The following COL8A1 variants were observed in gnomAD, a reference collection of about 807,000 sequenced individuals.
COL8A1 encodes collagen alpha-1(VIII) chain.
A neutral mutation model predicts 42.7 loss-of-function variants in COL8A1; 21 were observed. The ratio of observed to expected loss-of-function variants is 0.49; its 90% CI spans 0.35 to 0.71. The LOEUF (loss-of-function observed/expected upper bound fraction) is 0.71, where lower values mean the gene tolerates loss of function less well. Among genes scored for constraint, COL8A1 ranks in the 30% least tolerant of loss-of-function variants. The pLI, the probability that COL8A1 is intolerant of heterozygous loss-of-function variation, is 0.01. For synonymous variants in COL8A1, 367 were observed against 369.1 expected (o/e 0.99, Z 0.06); for missense variants, 788 against 962.4 (o/e 0.82, Z 2.40).
At chr3:99,650,947 T>C (rs1018227977) in intron 1 of COL8A1, among the ~76,000 whole-genome samples, 8 of 152,230 alleles carry the variant, frequency 5.3e-5, no homozygotes, top group Non-Finnish European at 1.2e-4. Context: ...ACTGCAGTAG[T>C]GTTCATTAAA....
At chr3:99,692,338 A>G (rs1939244720) in intron 1 of COL8A1, among the ~76,000 whole-genome samples, 1 of 152,254 alleles carries the variant, frequency 6.6e-6, no homozygotes, top group South Asian at 2.1e-4. Flanking sequence ...CAACCACAGA[A>G]AAATGGATAG....
At position 99,708,021 on chromosome 3, in the gene COL8A1, C is replaced by T. The variant is rs191900408; in HGVS notation, c.-128-36876C>T. Among the ~76,000 whole-genome samples, 15 of 152,204 alleles carry T rather than the reference C, an allele frequency of 9.9e-5. No individual in the cohort carries two copies. In the South Asian group the frequency reaches 1.7e-3, roughly 17 times the overall value. ...GACCTAAAAGTCTTACTCCAGAGCTCCCCTCTTAGCTGTGAACTCCATCCA... is the reference window on the plus strand; with the variant it reads ...GACCTAAAAGTCTTACTCCAGAGCTTCCCTCTTAGCTGTGAACTCCATCCA... On this transcript the variant is annotated intron_variant, in intron 1 of 3. Transcript: ENST00000652472.
intron 1 of COL8A1, among the ~76,000 whole-genome samples, chr3:99,661,552 C>T (rs1448508871): frequency 6.6e-6 from 1 of 152,118 alleles, no homozygotes; most frequent in Non-Finnish European, 1.5e-5. Flanking sequence ...CTACGAAAGA[C>T]ATTATGGCAG....
At chr3:99,665,067 A>G (rs1339948345) in intron 1 of COL8A1, among the ~76,000 whole-genome samples, 1 of 152,200 alleles carries the variant, frequency 6.6e-6, no homozygotes, top group East Asian at 1.9e-4. Flanking sequence ...CATCACATCC[A>G]AAAGTGGGAT....
intron 1 of COL8A1, among the ~76,000 whole-genome samples, chr3:99,645,546 A>C (rs1285723187): frequency 6.6e-6 from 1 of 152,150 alleles, no homozygotes; most frequent in African/African-American, 2.4e-5. Context: ...AGAGGGAGCC[A>C]GGGGCTGGGT....
At chr3:99,725,659 TGTG>T (rs1191564604) in intron 1 of COL8A1, among the ~76,000 whole-genome samples, 1 of 146,252 alleles carries the variant, frequency 6.8e-6, no homozygotes, top group East Asian at 2.1e-4. Context: ...AGTGAGAACA[TGTG>T]GTGTTTGGTT....
chr3:99,663,571 A>T (rs116703591), intron 1 of COL8A1, among the ~76,000 whole-genome samples: 1 of 152,130 alleles, frequency 6.6e-6, no homozygotes. Context: ...CCAAATTCCA[A>T]TGCAAGCTGA....
At position 99,796,155 on chromosome 3, in the gene COL8A1, CAAAG is replaced by C. The variant is rs779875118; in HGVS notation, c.*23_*26del. ...CATGTAAAAACAAAAAAACAAAAAA[CAAAG>C]AAAAGAAAGAGATTTTATAGAAGAA... On this transcript the variant is annotated 3_prime_UTR_variant, in exon 4 of 4. Transcript: ENST00000652472. 294 of 1,443,338 alleles carry C rather than the reference CAAAG, an allele frequency of 2.0e-4. 1 individual carries two copies. The highest frequency in any genetic ancestry group is 2.0e-4 in the Middle Eastern group (1 of 4,962). The allele number at this position is 1,443,338 out of a possible 1,614,324, so 89.4% of individuals were successfully genotyped here. A position where few individuals can be genotyped will look rare whatever the true frequency, so the allele number is the denominator to read the frequency against.
At chr3:99,746,922 T>A (rs1248601297) in intron 2 of COL8A1, among the ~76,000 whole-genome samples, 2 of 152,206 alleles carry the variant, frequency 1.3e-5, no homozygotes, top group Non-Finnish European at 2.9e-5. Flanking sequence ...TTTTTCTTAG[T>A]GAAAATGGAC....
chr3:99,777,983 C>T (rs1168444596), intron 2 of COL8A1, among the ~76,000 whole-genome samples: 1 of 152,152 alleles, frequency 6.6e-6, no homozygotes, highest in Non-Finnish European at 1.5e-5. Context: ...AATAATGTAT[C>T]CTTGGCTGGT....
At position 99,795,752 on chromosome 3, in the gene COL8A1, A is replaced by G. The variant is rs1343784360; in HGVS notation, c.1851A>G (p.Ala617=). The G allele has an allele frequency of 1.2e-6, 2 of 1,614,032 alleles. No homozygotes were observed. Among genetic ancestry groups the G allele is most frequent in the East Asian group, 4.5e-5 (2 of 44,864 alleles). The change falls in exon 4 of 4, where the codon GCA becomes GCG. Residue 617 remains alanine (A), a synonymous_variant. Coordinates refer to ENST00000652472, the MANE Select transcript of COL8A1 (RefSeq NM_020351.4). The stretch of plus-strand genomic sequence containing the variant: ...GAGGGCCAGCCTATGAGATGCCTGC[A>G]TTTACCGCCGAGCTAACCGCACCTT... The part of the protein sequence containing the change: ...KNGGPAYEMP[A]FTAELTAPFP...
At chr3:99,699,728 A>C (rs6779714) in intron 1 of COL8A1, among the ~76,000 whole-genome samples, 116 of 152,282 alleles carry the variant, frequency 7.6e-4, no homozygotes, top group African/African-American at 2.7e-3. Flanking sequence ...TTAATCACAA[A>C]ATTTTAAGAA....
rs141695128 is a variant in COL8A1 at position 99,790,662 on chromosome 3, C to A, written c.-3-18C>A. ...CTTGCAGAGTTTCACCAAGTTGGTG[C>A]ATTGGTTCCTCCCACAGGTGATGGC... is the stretch of plus-strand genomic sequence containing the variant. On this transcript the variant is annotated intron_variant, in intron 2 of 3. Transcript: ENST00000652472. The A allele has an allele frequency of 2.5e-6, 4 of 1,604,994 alleles. No individual in the cohort carries two copies. Among genetic ancestry groups the A allele is most frequent in the Non-Finnish European group, 3.4e-6 (4 of 1,173,316 alleles).
chr3:99,649,782 C>G (rs1045698102), intron 1 of COL8A1, among the ~76,000 whole-genome samples: 1 of 151,984 alleles, frequency 6.6e-6, no homozygotes, highest in African/African-American at 2.4e-5. Context: ...CTCTTTCTCT[C>G]TCTGTCACAC....
At position 99,794,472 on chromosome 3, in the gene COL8A1, G is replaced by GACCCCAGGGCCTT. The variant is rs746807822; in HGVS notation, c.571_572insACCCCAGGGCCTT (p.Gly191AspfsTer38). The GACCCCAGGGCCTT allele has an allele frequency of 1.9e-6, 3 of 1,614,052 alleles. No individual in the cohort carries two copies. The highest frequency in any genetic ancestry group is 2.5e-6 in the Non-Finnish European group (3 of 1,179,970). On this transcript the variant is annotated frameshift_variant, in exon 4 of 4. Transcript: ENST00000652472. LOFTEE classifies it high-confidence loss of function. The surrounding 1 kb of genome is among the most constrained non-coding windows in gnomAD (Gnocchi z 4.3). The stretch of plus-strand genomic sequence containing the variant: ...ACAGAAAGGGGAAATTGGGCCTATG[G>GACCCCAGGGCCTT]GGATCCCAGGACCACAAGGACCTCC...
At chr3:99,706,084 A>G (rs992567287) in intron 1 of COL8A1, among the ~76,000 whole-genome samples, 4 of 152,150 alleles carry the variant, frequency 2.6e-5, no homozygotes, top group African/African-American at 9.7e-5. Context: ...GGTCAGGAAA[A>G]ATATGTAGCC....
In COL8A1 at chr3:99,643,091, G is replaced by C. The variant is rs1937538896; in HGVS notation, c.-129+4427G>C. Among the ~76,000 whole-genome samples, 6 of 152,118 alleles carry C rather than the reference G, an allele frequency of 3.9e-5. No homozygotes were observed. The South Asian group carries it at 1.2e-3, about 32-fold the overall frequency. On this transcript the variant is annotated intron_variant, in intron 1 of 3. Transcript: ENST00000652472. ...TCAGAAAGATTAATGTCTTTCCCCA[G>C]GCCACCCAGATGAGTACAGCACACC...
At chr3:99,674,467 T>C (rs977302432) in intron 1 of COL8A1, among the ~76,000 whole-genome samples, 66 of 149,396 alleles carry the variant, frequency 4.4e-4, no homozygotes, top group African/African-American at 1.5e-3. Context: ...GCCTTGAAGG[T>C]GTGGCTGACA....
At chr3:99,785,195 A>G (rs771973634) in intron 2 of COL8A1, among the ~76,000 whole-genome samples, 1 of 152,216 alleles carries the variant, frequency 6.6e-6, no homozygotes, top group Non-Finnish European at 1.5e-5. Context: ...TGTTCCCATC[A>G]TTATTAATAT....
Sources: allele counts gnomAD v4.1 joint callset (sites outside exome capture counted in the v4.1 genomes callset), GRCh38; gene constraint gnomAD v4.1.1; non-coding constraint Gnocchi (gnomAD v3.1); transcripts MANE v1.5; gene names NCBI Gene and HGNC (gene_info 2026-07-23, HGNC 2026-07-21).